COL19A1: variants seen among roughly 807,000 people sequenced by gnomAD.
The protein encoded by COL19A1 is collagen type XIX alpha 1 chain.
COL19A1 carries 159 observed loss-of-function variants against 190.2 expected under a neutral mutation model. The ratio of observed to expected loss-of-function variants is 0.84; its 90% CI spans 0.73 to 0.95. The LOEUF (loss-of-function observed/expected upper bound fraction) is 0.95, where lower values mean the gene tolerates loss of function less well. Ranked by LOEUF, COL19A1 falls within the 40% of genes least tolerant of loss-of-function variation. The pLI is 0.00. For missense variants in COL19A1, 1,418 were observed against 1,431.9 expected, an observed-to-expected ratio of 0.99 and a Z score of 0.16; for synonymous variants, 509 against 458.9, an observed-to-expected ratio of 1.11 and a Z score of -1.39.
At chr6:69,905,586 G>A (rs768076370) in intron 4 of COL19A1, among the ~76,000 whole-genome samples, 5 of 152,218 alleles carry the variant, frequency 3.3e-5, no homozygotes, top group Admixed American at 6.5e-5. Context: ...CAATAGTGGC[G>A]TAGGGCCAAG....
At chr6:70,100,285 C>T (rs191699173) in intron 15 of COL19A1, among the ~76,000 whole-genome samples, 78 of 152,194 alleles carry the variant, frequency 5.1e-4, no homozygotes, top group Admixed American at 1.8e-3. Context: ...AACTTTTTAT[C>T]ATTGATTAGT....
rs1786527272 is a variant in COL19A1, at chr6:70,145,012, G to T, written c.1770+5G>T. 6.4e-7 allele frequency: 1 copy of T among 1,563,890 alleles called. No individual in the cohort carries two copies. Among genetic ancestry groups the T allele is most frequent in the Non-Finnish European group, 8.7e-7 (1 of 1,152,814 alleles). ...AAAAGCCTGCCAGGGGAACCAGTAA[G>T]TATTAGCCCTTTTGTTAATATTTTT... On this transcript the variant is annotated splice_donor_5th_base_variant and intron_variant, in intron 25 of 50. Coordinates refer to ENST00000620364, the MANE Select transcript of COL19A1 (RefSeq NM_001858.6).
At chr6:70,179,759 C>T (rs1343036646) in intron 42 of COL19A1, among the ~76,000 whole-genome samples, 1 of 152,180 alleles carries the variant, frequency 6.6e-6, no homozygotes, top group Non-Finnish European at 1.5e-5. Flanking sequence ...ATTCTCCTCT[C>T]CTACTCTCCA....
chr6:69,898,868 A>C, intron 2 of COL19A1, 80 bp from the exon 3 acceptor site: 1 of 829,672 alleles, frequency 1.2e-6, no homozygotes, highest in Non-Finnish European at 2.0e-6. Context: ...TTTCCATTTT[A>C]TCTTAAGTTT....
rs1269316684 is a variant in COL19A1 at position 70,212,252 on chromosome 6, G to T, written c.*4978G>T. On this transcript the variant is annotated 3_prime_UTR_variant, in exon 51 of 51. Coordinates refer to ENST00000620364, the MANE Select transcript of COL19A1 (RefSeq NM_001858.6). ...ACTATTTATTTTTAAATAACATTTA[G>T]GGTGTGTTTTCCCCCATTTTGTTTG... is the stretch of plus-strand genomic sequence containing the variant. Among the ~76,000 whole-genome samples, 1 of 152,050 alleles carries T rather than the reference G, an allele frequency of 6.6e-6. No individual in the cohort carries two copies. Among genetic ancestry groups the T allele is most frequent in the Non-Finnish European group, 1.5e-5 (1 of 68,014 alleles).
intron 11 of COL19A1, among the ~76,000 whole-genome samples, chr6:69,987,705 C>T (rs779359547): frequency 6.6e-6 from 1 of 152,202 alleles, no homozygotes; most frequent in Non-Finnish European, 1.5e-5. Context: ...CTGTGCTTAA[C>T]TGCCTTGTGG....
chr6:69,915,934 C>CTTT (rs10707834), intron 4 of COL19A1, among the ~76,000 whole-genome samples: 110 of 110,878 alleles, frequency 9.9e-4, no homozygotes, highest in African/African-American at 2.4e-3. Flanking sequence ...CTCATCTCAT[C>CTTT]TTTTTTTTTT....
rs757772326 is a variant in COL19A1, at chr6:70,180,461, G to C, written c.2713G>C (p.Gly905Arg). 1 of 1,614,048 alleles carries C rather than the reference G, an allele frequency of 6.2e-7. No individual in the cohort carries two copies. Among genetic ancestry groups the C allele is most frequent in the Admixed American group, 1.7e-5 (1 of 60,008 alleles). ...TTTGTGTCTGTGGATGTGTTTATAG[G>C]GTGAGAGAGGACCTGTTGGAGATAT... ...PGPPGVPGEP[G>R]ERGPVGDIGF... The change falls in exon 44 of 51, where the codon GGT becomes CGT. Residue 905 changes from glycine to arginine, a missense_variant and splice_region_variant. By Grantham distance (125) the Gly-to-Arg change is moderately radical. Coordinates refer to ENST00000620364, the MANE Select transcript of COL19A1 (RefSeq NM_001858.6).
intron 31 of COL19A1, among the ~76,000 whole-genome samples, chr6:70,153,918 C>T (rs978087894): frequency 6.6e-6 from 1 of 152,044 alleles, no homozygotes; most frequent in African/African-American, 2.4e-5. Context: ...TTTATATATT[C>T]AGACTCTAAG....
Position 70,142,838 on chromosome 6 carries a change from G to A in COL19A1, c.1626+18G>A. The stretch of plus-strand genomic sequence containing the variant: ...GAGATGTTGTATGTATAATGTCTTT[G>A]ATATTTCTGGAATTGAAATTGAGAC... On this transcript the variant is annotated intron_variant, in intron 23 of 50. Coordinates refer to ENST00000620364, the MANE Select transcript of COL19A1 (RefSeq NM_001858.6). 1 of 1,602,540 alleles carries A rather than the reference G, an allele frequency of 6.2e-7. No homozygotes were observed. Among genetic ancestry groups the A allele is most frequent in the South Asian group, 1.1e-5 (1 of 89,066 alleles).
At position 70,130,227 on chromosome 6, in the gene COL19A1, A is replaced by G; in HGVS notation, c.1383+4A>G. The G allele has an allele frequency of 6.2e-7, 1 of 1,612,130 alleles. No homozygotes were observed. The highest frequency in any genetic ancestry group is 1.3e-5 in the African/African-American group (1 of 74,836). On this transcript the variant is annotated splice_donor_region_variant and intron_variant, in intron 18 of 50. Transcript: ENST00000620364. ...TGGAGGCCTGAAAGGAGACAAGGTAATCAGATTTTTTTTTTTTAGATGGAG... is the reference window on the plus strand; with the variant it reads ...TGGAGGCCTGAAAGGAGACAAGGTAGTCAGATTTTTTTTTTTTAGATGGAG...
At chr6:70,078,789 G>A (rs973763021) in intron 15 of COL19A1, among the ~76,000 whole-genome samples, 4 of 152,138 alleles carry the variant, frequency 2.6e-5, no homozygotes, top group Non-Finnish European at 4.4e-5. Flanking sequence ...CTCACAGGCC[G>A]GGTTCAGTGG....
chr6:70,065,676 A>C (rs1781142492), intron 14 of COL19A1, among the ~76,000 whole-genome samples: 2 of 152,210 alleles, frequency 1.3e-5, no homozygotes, highest in Non-Finnish European at 2.9e-5. Context: ...CAGGCAACCT[A>C]CAGAATGGGA....
intron 14 of COL19A1, among the ~76,000 whole-genome samples, chr6:70,038,624 C>A (rs1428229800): frequency 2.0e-5 from 3 of 152,170 alleles, no homozygotes; most frequent in African/African-American, 7.2e-5. Flanking sequence ...TCTAAATGTC[C>A]ATGTACTCCT....
At position 69,997,210 on chromosome 6, in the gene COL19A1, A is replaced by C. The variant is rs1776968513; in HGVS notation, c.1027-26417A>C. 1.3e-5 allele frequency among the ~76,000 whole-genome samples: 2 copies of C among 152,180 alleles called. 1 individual carries two copies. The highest frequency in any genetic ancestry group is 4.1e-4 in the South Asian group (2 of 4,828). On this transcript the variant is annotated intron_variant, in intron 11 of 50. Coordinates refer to ENST00000620364, the MANE Select transcript of COL19A1 (RefSeq NM_001858.6). ...TGAATGCCTTCTCCAACCCACCCAC[A>C]GATTGATCAGAAGTGGATGGAAGCC...
intron 49 of COL19A1, among the ~76,000 whole-genome samples, chr6:70,206,524 C>T (rs1438755762): frequency 6.6e-6 from 1 of 150,968 alleles, no homozygotes; most frequent in Non-Finnish European, 1.5e-5. Flanking sequence ...TCCAGCTACT[C>T]AGGAGGCTGA....
Position 70,150,765 on chromosome 6 carries a change from G to A in COL19A1, c.2038-632G>A, listed in dbSNP as rs1286898352. Among the ~76,000 whole-genome samples, 3 of 152,064 alleles carry A rather than the reference G, an allele frequency of 2.0e-5. No homozygotes were observed. The East Asian group carries it at 5.8e-4, about 29-fold the overall frequency. ...TAAGCTATGTGTGGAGGCATATTTTGGCATTACTTTAACGCCACTGTTGAG... is the reference window on the plus strand; with the variant it reads ...TAAGCTATGTGTGGAGGCATATTTTAGCATTACTTTAACGCCACTGTTGAG... On this transcript the variant is annotated intron_variant, in intron 30 of 50. Transcript: ENST00000620364.
chr6:70,156,274 T>G (rs1787431381), intron 32 of COL19A1, 42 bp from the exon 33 acceptor site: 5 of 1,613,088 alleles, frequency 3.1e-6, no homozygotes, highest in Non-Finnish European at 4.2e-6. Context: ...GTGGGTTACA[T>G]GTAGTGCATC....
intron 14 of COL19A1, among the ~76,000 whole-genome samples, chr6:70,043,471 C>T (rs1205262437): frequency 5.9e-5 from 9 of 152,066 alleles, no homozygotes; most frequent in African/African-American, 1.9e-4. Flanking sequence ...GGATTACAGG[C>T]GTGAGCCACC....
Sources: allele counts gnomAD v4.1 joint callset (sites outside exome capture counted in the v4.1 genomes callset), GRCh38; gene constraint gnomAD v4.1.1; transcripts MANE v1.5; gene names NCBI Gene and HGNC (gene_info 2026-07-23, HGNC 2026-07-21).